The following POLR1A variants were observed in gnomAD, a reference collection of about 807,000 sequenced individuals.
The protein encoded by POLR1A is DNA-directed RNA polymerase I subunit RPA1.
In POLR1A, 84 loss-of-function variants were observed where a neutral mutation model predicts 205.3. The observed-to-expected ratio is 0.41, with a 90% CI of 0.34 to 0.49. The LOEUF is 0.49. Ranked by LOEUF, POLR1A falls within the 20% of genes least tolerant of loss-of-function variation. The pLI is 0.22. For synonymous variants in POLR1A, 799 were observed against 863.7 expected, an observed-to-expected ratio of 0.93 and a Z score of 1.31; for missense variants, 1,645 against 2,204.5, an observed-to-expected ratio of 0.75 and a Z score of 5.08.
At chr2:86,085,016 C>CA (rs766954443) in intron 6 of POLR1A, among the ~76,000 whole-genome samples, 1 of 152,220 alleles carries the variant, frequency 6.6e-6, no homozygotes, top group Non-Finnish European at 1.5e-5. Flanking sequence ...GGCTGGAGTG[C>CA]AGTGGCACGA....
intron 25 of POLR1A, 57 bp downstream of exon 25, chr2:86,040,335 C>A: frequency 7.3e-7 from 1 of 1,372,600 alleles, no homozygotes; most frequent in East Asian, 2.6e-5. Context: ...ATTAAATGGC[C>A]CCTTCTCCAG....
chr2:86,039,215 T>C (rs961468691), intron 26 of POLR1A, 112 bp downstream of exon 26: 1 of 1,183,576 alleles, frequency 8.4e-7, no homozygotes, highest in Non-Finnish European at 1.2e-6. Flanking sequence ...CTCTCATTGG[T>C]GGGAATCTGA....
At chr2:86,101,840 T>C (rs779935559) in intron 1 of POLR1A, among the ~76,000 whole-genome samples, 1 of 152,208 alleles carries the variant, frequency 6.6e-6, no homozygotes, top group Non-Finnish European at 1.5e-5. Flanking sequence ...TCTGTTTTGA[T>C]TAATCTGACT....
At position 86,022,012 on chromosome 2, in the gene POLR1A, G is replaced by A. The variant is rs1690150553; in HGVS notation, c.*5411C>T. 2 of 152,246 alleles carry A rather than the reference G, an allele frequency of 1.3e-5. No homozygotes were observed. The highest frequency in any genetic ancestry group is 2.4e-5 in the African/African-American group (1 of 41,472). The allele number at this position is 152,246 out of a possible 1,614,324, so 9.4% of individuals were successfully genotyped here. A position where few individuals can be genotyped will look rare whatever the true frequency, so the allele number is the denominator to read the frequency against. On this transcript the variant is annotated 3_prime_UTR_variant, in exon 34 of 34. Coordinates refer to ENST00000263857, the MANE Select transcript of POLR1A (RefSeq NM_015425.6). ...GTTGAGTTAAACCCTGCTCCTTGATGACCACTCGTGGTAGGACAGCGATGC... is the reference window on the plus strand; with the variant it reads ...GTTGAGTTAAACCCTGCTCCTTGATAACCACTCGTGGTAGGACAGCGATGC...
intron 19 of POLR1A, 29 bp from the exon 20 acceptor site, chr2:86,045,798 G>A: frequency 2.5e-6 from 4 of 1,592,284 alleles, no homozygotes; most frequent in Non-Finnish European, 2.6e-6. Context: ...ACAGGAAACT[G>A]AAGATCCACA....
Position 86,038,750 on chromosome 2 carries a change from C to A in POLR1A, c.3984G>T (p.Gln1328His), listed in dbSNP as rs765241710. 10 of 1,614,060 alleles carry A rather than the reference C, an allele frequency of 6.2e-6. No homozygotes were observed. The highest frequency in any genetic ancestry group is 1.3e-5 in the African/African-American group (1 of 75,050). ...CCTCGGGTCTCAGGCACTTCTCCTG[C>A]TGGTAATATGCATGTGGCAGGAACT... ...RFQFLPHAYY[Q>H]QEKCLRPEDI... The change falls in exon 27 of 34, where the codon CAG becomes CAT. Residue 1328 changes from glutamine to histidine, a missense_variant. Around this residue, in one of 16 missense-constraint regions of POLR1A, gnomAD observed 394 missense variants for 468.5 expected, o/e 0.84. Coordinates refer to ENST00000263857, the MANE Select transcript of POLR1A (RefSeq NM_015425.6).
chr2:86,042,055 G>A lies in POLR1A; in HGVS notation c.3406C>T (p.Gln1136Ter). ...ELDEESRRKY[Q>*]KKAAACPDPS... ...TCAGGACAAGCGGCCGCCTTCTTCT[G>A]GTATTTCCTTCGGCTTTCCTCATCC... Residue 1136 changes from glutamine (Q) to a stop codon, truncating the protein, a stop_gained, in exon 24 of 34, where the codon CAG becomes TAG. Coordinates refer to ENST00000263857, the MANE Select transcript of POLR1A (RefSeq NM_015425.6). LOFTEE classifies it high-confidence loss of function. 6.2e-7 allele frequency: 1 copy of A among 1,613,530 alleles called. No individual in the cohort carries two copies. Among genetic ancestry groups the A allele is most frequent in the Non-Finnish European group, 8.5e-7 (1 of 1,180,004 alleles).
chr2:86,069,567 C>T (rs1192447228), intron 13 of POLR1A, among the ~76,000 whole-genome samples: 2 of 152,320 alleles, frequency 1.3e-5, no homozygotes, highest in African/African-American at 2.4e-5. Context: ...GATGCCTTCA[C>T]GGGCTGCTGC....
At chr2:86,048,356 T>C (rs1006034151) in intron 18 of POLR1A, among the ~76,000 whole-genome samples, 1 of 152,200 alleles carries the variant, frequency 6.6e-6, no homozygotes, top group Non-Finnish European at 1.5e-5. Flanking sequence ...GGCTTGGCAT[T>C]GTGTACTAGT....
At chr2:86,090,063 G>C (rs1673574518) in intron 3 of POLR1A, 134 bp from the exon 4 acceptor site, 2 of 604,662 alleles carry the variant, frequency 3.3e-6, no homozygotes, top group Non-Finnish European at 5.9e-6. Flanking sequence ...CTACTGTGTT[G>C]CACTTTCAAA....
chr2:86,045,542 A>T, intron 20 of POLR1A, 75 bp downstream of exon 20: 1 of 1,502,816 alleles, frequency 6.7e-7, no homozygotes, highest in South Asian at 1.1e-5. Context: ...CCTACCCTGT[A>T]GGGCAGTCAT....
intron 23 of POLR1A, among the ~76,000 whole-genome samples, chr2:86,042,468 G>C (rs2104389999): frequency 6.6e-6 from 1 of 152,330 alleles, no homozygotes; most frequent in East Asian, 1.9e-4. Context: ...TGGATCCATG[G>C]TTATTTCTGG....
chr2:86,103,979 C>T (rs1673870117), intron 1 of POLR1A, among the ~76,000 whole-genome samples: 1 of 152,104 alleles, frequency 6.6e-6, no homozygotes, highest in South Asian at 2.1e-4. Context: ...CTGGAATATG[C>T]AGGTGGTTTA....
In POLR1A at chr2:86,105,766, G is replaced by A; in HGVS notation, c.11C>T (p.Ser4Phe). 1 of 1,613,986 alleles carries A rather than the reference G, an allele frequency of 6.2e-7. No individual in the cohort carries two copies. Among genetic ancestry groups the A allele is most frequent in the South Asian group, 1.1e-5 (1 of 91,080 alleles). Residue 4 changes from serine (S) to phenylalanine (F), a missense_variant, in exon 1 of 34, where the codon TCC becomes TTC. By Grantham distance (155) the Ser-to-Phe change is radical. Transcript: ENST00000263857. ...CAGCCGCCGCCAGGGCATGTTCTTG[G>A]AGATCAACATCCTCCAGGTCCGTTT... Reference protein sequence around the residue: MLISKNMPWRRLQG... With the variant: MLIFKNMPWRRLQG...
At chr2:86,072,553 C>A (rs190054178) in intron 12 of POLR1A, among the ~76,000 whole-genome samples, 19 of 152,354 alleles carry the variant, frequency 1.2e-4, no homozygotes, top group Admixed American at 3.9e-4. Flanking sequence ...CCCTTGCCAA[C>A]CCAAACCCAA....
chr2:86,085,171 C>T (rs1673482267), intron 6 of POLR1A, among the ~76,000 whole-genome samples: 1 of 152,146 alleles, frequency 6.6e-6, no homozygotes, highest in Non-Finnish European at 1.5e-5. Context: ...CCGTGTTAGC[C>T]AGGATGGTCT....
Position 86,070,465 on chromosome 2 carries a change from C to T in POLR1A, c.1612-193G>A, listed in dbSNP as rs1673155718. Among the ~76,000 whole-genome samples, 1 of 152,120 alleles carries T rather than the reference C, an allele frequency of 6.6e-6. No homozygotes were observed. Among genetic ancestry groups the T allele is most frequent in the South Asian group, 2.1e-4 (1 of 4,818 alleles). On this transcript the variant is annotated intron_variant, in intron 12 of 33. Coordinates refer to ENST00000263857, the MANE Select transcript of POLR1A (RefSeq NM_015425.6). This position sits in a 1 kb window ranked among gnomAD's most constrained non-coding sequence, Gnocchi z 4.4. The stretch of plus-strand genomic sequence containing the variant: ...GAAATACGTCCTAGGCCCTTCTGGT[C>T]CTGGCCCTTTACAACCCTGATCCTG...
chr2:86,095,646 G>T, intron 3 of POLR1A, among the ~76,000 whole-genome samples: 1 of 151,810 alleles, frequency 6.6e-6, no homozygotes, highest in Non-Finnish European at 1.5e-5. Context: ...ACCAGCCAGA[G>T]AAATTAGGCA....
intron 15 of POLR1A, 132 bp downstream of exon 15, chr2:86,054,008 G>T: frequency 2.4e-6 from 2 of 827,702 alleles, no homozygotes; most frequent in Non-Finnish European, 1.9e-6. Flanking sequence ...CAACAACTCA[G>T]GCACAACGCC....
Sources: gnomAD v4.1 joint callset for allele counts (sites outside exome capture counted in the v4.1 genomes callset) on GRCh38, gnomAD v4.1.1 for gene constraint, gnomAD v4.1.1 regional missense constraint, Gnocchi (gnomAD v3.1) non-coding constraint, MANE v1.5 for transcripts, NCBI Gene and HGNC (gene_info 2026-07-23, HGNC 2026-07-21) for gene names.